The following DHX33 variants were observed in gnomAD, a reference collection of about 807,000 sequenced individuals.
DHX33 encodes ATP-dependent RNA helicase DHX33.
In DHX33, 42 loss-of-function variants were observed where a neutral mutation model predicts 72.5. That is an observed-to-expected ratio of 0.58 (90% confidence interval 0.45 to 0.75). The LOEUF (loss-of-function observed/expected upper bound fraction) is 0.75, where lower values mean the gene tolerates loss of function less well. Among genes scored for constraint, DHX33 ranks in the 30% least tolerant of loss-of-function variants. The pLI is 0.00. For missense variants in DHX33, 842 were observed against 917.5 expected, an observed-to-expected ratio of 0.92 and a Z score of 1.06; for synonymous variants, 358 against 366.1, an observed-to-expected ratio of 0.98 and a Z score of 0.25.
chr17:5,455,161 A>C lies in DHX33; in HGVS notation c.1146T>G (p.Pro382=). Residue 382 remains proline, a splice_region_variant and synonymous_variant, in exon 6 of 12, where the codon CCT becomes CCG. Transcript: ENST00000225296. ...TGMVKAKKYN[P]DSGLEVLAVQ... ...CATTCATGAACTACAAATTCTCACC[A>C]GGGTTATACTTCTTTGCTTTAACCA... 6.2e-7 allele frequency: 1 copy of C among 1,612,138 alleles called. No individual in the cohort carries two copies. Among genetic ancestry groups the C allele is most frequent in the Non-Finnish European group, 8.5e-7 (1 of 1,178,208 alleles).
chr17:5,459,936 C>G (rs149216173), intron 4 of DHX33, among the ~76,000 whole-genome samples: 3,393 of 146,122 alleles, frequency 0.023, 52 homozygotes, highest in Non-Finnish European at 0.03. Flanking sequence ...TGTGAGCCAC[C>G]ATGCCTGGCC....
At chr17:5,456,892 G>A (rs760763534) in intron 4 of DHX33, among the ~76,000 whole-genome samples, 3 of 152,132 alleles carry the variant, frequency 2.0e-5, no homozygotes, top group Non-Finnish European at 4.4e-5. Flanking sequence ...GCTTTCACAC[G>A]CCCCAAAACA....
At chr17:5,457,365 G>GT (rs1241713663) in intron 4 of DHX33, among the ~76,000 whole-genome samples, 2 of 151,740 alleles carry the variant, frequency 1.3e-5, no homozygotes, top group Non-Finnish European at 2.9e-5. Context: ...GCTCATGCCT[G>GT]TAACCCCAGC....
In DHX33 at chr17:5,450,210, C is replaced by G; in HGVS notation, c.1721G>C (p.Gly574Ala). 6.2e-7 allele frequency: 1 copy of G among 1,614,182 alleles called. No individual in the cohort carries two copies. The highest frequency in any genetic ancestry group is 8.5e-7 in the Non-Finnish European group (1 of 1,180,034). The change falls in exon 10 of 12, where the codon GGA (glycine) becomes GCA (alanine). Residue 574 changes from glycine to alanine, a missense_variant. Gly to Ala is a moderately conservative substitution (Grantham distance 60, BLOSUM62 0). Transcript: ENST00000225296. Reference protein sequence around the residue: ...NIYRTFKNLGGNKDWCKENFV... With the variant: ...NIYRTFKNLGANKDWCKENFV... ...GTGCAAGACAAGGCTCACCTTATTT[C>G]CGCCTAGGTTTTTGAAGGTCCGATA...
intron 3 of DHX33, among the ~76,000 whole-genome samples, chr17:5,461,936 CTTTTTTTTTTT>C (rs35332211): frequency 8.8e-6 from 1 of 113,698 alleles, no homozygotes; most frequent in Admixed American, 9.1e-5. Context: ...TGAACTTTCA[CTTTTTTTTTTT>C]TTTTTTTTTT....
intron 1 of DHX33, 80 bp downstream of exon 1, chr17:5,468,491 T>C (rs1180785552): frequency 8.0e-6 from 12 of 1,499,860 alleles, no homozygotes; most frequent in African/African-American, 2.8e-5. Flanking sequence ...ACGAAAGGGA[T>C]TGAGAGGCAT....
At position 5,450,493 on chromosome 17, in the gene DHX33, C is replaced by A. The variant is rs1916855137; in HGVS notation, c.1525-87G>T. On this transcript the variant is annotated intron_variant, in intron 9 of 11. Coordinates refer to ENST00000225296, the MANE Select transcript of DHX33 (RefSeq NM_020162.4). Reference sequence around the variant, plus strand: ...TTCTGTACATTGCTTTTGCAGTTTCCCTTCTAAGGAGTTAAAGGGCAGGTA... The same window carrying A: ...TTCTGTACATTGCTTTTGCAGTTTCACTTCTAAGGAGTTAAAGGGCAGGTA... 2.1e-6 allele frequency: 3 copies of A among 1,421,384 alleles called. No individual in the cohort carries two copies. The Admixed American group carries it at 5.5e-5, about 26-fold the overall frequency. The allele number at this position is 1,421,384 out of a possible 1,614,324, so 88.0% of individuals were successfully genotyped here.
At chr17:5,459,345 T>C (rs1470890056) in intron 4 of DHX33, among the ~76,000 whole-genome samples, 4 of 152,116 alleles carry the variant, frequency 2.6e-5, no homozygotes, top group African/African-American at 9.7e-5. Flanking sequence ...AGTAAATGTT[T>C]AATAAAATGA....
At position 5,468,728 on chromosome 17, in the gene DHX33, T is replaced by G. The variant is rs1193014556; in HGVS notation, c.132A>C (p.Gly44=). The change falls in exon 1 of 12, where the codon GGA becomes GGC. Residue 44 remains glycine (G), a synonymous_variant. Coordinates refer to ENST00000225296, the MANE Select transcript of DHX33 (RefSeq NM_020162.4). The part of the protein sequence containing the change: ...MLLTAGSGGR[G]GGGGRRQQPP... ...GCTGCTGCCTCCGGCCTCCTCCTCC[T>G]CCTCTGCCGCCGCTGCCCGCAGTCA... 5 of 1,610,730 alleles carry G rather than the reference T, an allele frequency of 3.1e-6. No individual in the cohort carries two copies. Among genetic ancestry groups the G allele is most frequent in the East Asian group, 2.2e-5 (1 of 44,826 alleles).
At chr17:5,467,306 C>T (rs1287491027) in intron 1 of DHX33, among the ~76,000 whole-genome samples, 1 of 152,182 alleles carries the variant, frequency 6.6e-6, no homozygotes, top group Non-Finnish European at 1.5e-5. Flanking sequence ...CATCTACAGA[C>T]GGCATTGCTC....
intron 2 of DHX33, among the ~76,000 whole-genome samples, chr17:5,462,906 C>T (rs536013153): frequency 1.3e-5 from 2 of 152,016 alleles, no homozygotes; most frequent in African/African-American, 2.4e-5. Context: ...GCTGAAATCC[C>T]GTCTCTACTA....
intron 3 of DHX33, 162 bp from the exon 4 acceptor site, chr17:5,461,271 C>A: frequency 1.8e-6 from 1 of 566,178 alleles, no homozygotes; most frequent in Non-Finnish European, 2.9e-6. Flanking sequence ...AAACACCCTG[C>A]TAGAGCACAC....
rs1332328597 is a variant in DHX33 at position 5,454,089 on chromosome 17, G to GA, written c.1148-110dup. The GA allele has an allele frequency of 1.3e-5, 18 of 1,336,918 alleles. No individual in the cohort carries two copies. The East Asian group carries it at 2.2e-4, about 16-fold the overall frequency. The allele number at this position is 1,336,918 out of a possible 1,614,324, so 82.8% of individuals were successfully genotyped here. On this transcript the variant is annotated intron_variant, in intron 6 of 11. Transcript: ENST00000225296. ...GTTCTTTCAGCAACACGGGGGTCCA[G>GA]AAAGCCTCAAGGCTAGCACAATGGA...
chr17:5,452,775 T>C (rs771622767), intron 8 of DHX33, among the ~76,000 whole-genome samples: 6 of 152,212 alleles, frequency 3.9e-5, no homozygotes, highest in Non-Finnish European at 8.8e-5. Flanking sequence ...TACTCATATA[T>C]GCATACATTT....
chr17:5,449,035 C>T (rs1285525618), intron 10 of DHX33, 140 bp from the exon 11 acceptor site: 2 of 514,966 alleles, frequency 3.9e-6, no homozygotes, highest in Non-Finnish European at 6.8e-6. Context: ...CCCACCTCAG[C>T]CTCCCAGATA....
At position 5,450,231 on chromosome 17, in the gene DHX33, C is replaced by G. The variant is rs142039700; in HGVS notation, c.1700G>C (p.Arg567Pro). 6.2e-7 allele frequency: 1 copy of G among 1,614,136 alleles called. No homozygotes were observed. The highest frequency in any genetic ancestry group is 8.5e-7 in the Non-Finnish European group (1 of 1,180,020). ...GDHMTLLNIY[R>P]TFKNLGGNKD... ...ATTTCCGCCTAGGTTTTTGAAGGTC[C>G]GATAGATATTGAGCAGGGTCATGTG... Residue 567 changes from arginine (R) to proline (P), a missense_variant, in exon 10 of 12, where the codon CGG (arginine) becomes CCG (proline). Physicochemically the swap from Arg to Pro is moderately radical, Grantham distance 103. Transcript: ENST00000225296.
chr17:5,449,467 C>T lies in DHX33; in HGVS notation c.1729-572G>A, dbSNP rs77808469. 9.1e-3 allele frequency among the ~76,000 whole-genome samples: 1,386 copies of T among 152,180 alleles called. 21 individuals carry two copies. The highest frequency in any genetic ancestry group is 0.032 in the African/African-American group (1,321 of 41,518). On this transcript the variant is annotated intron_variant, in intron 10 of 11. Coordinates refer to ENST00000225296, the MANE Select transcript of DHX33 (RefSeq NM_020162.4). ...CTTTTTTTGGAGATAGATAGAGTCTCGCTCTGTCACCTAGGCTGGAGTGCA... is the reference window on the plus strand; with the variant it reads ...CTTTTTTTGGAGATAGATAGAGTCTTGCTCTGTCACCTAGGCTGGAGTGCA...
chr17:5,451,630 C>T (rs1916918216), intron 8 of DHX33, among the ~76,000 whole-genome samples: 1 of 152,086 alleles, frequency 6.6e-6, no homozygotes, highest in African/African-American at 2.4e-5. Context: ...ATGAGAAGGA[C>T]ATTATTACTA....
rs1904985431 is a variant in DHX33, at chr17:5,468,591, A to C, written c.269T>G (p.Leu90Arg). The C allele has an allele frequency of 6.2e-7, 1 of 1,608,802 alleles. No homozygotes were observed. Among genetic ancestry groups the C allele is most frequent in the Admixed American group, 1.7e-5 (1 of 59,564 alleles). ...RGQLLAQLRNLDNAVLIGETG... is the reference protein window; with the variant it reads ...RGQLLAQLRNRDNAVLIGETG... ...CTCACCGATGAGGACCGCGTTGTCCAGGTTTCGGAGCTGGGCCAACAGTTG... is the reference window on the plus strand; with the variant it reads ...CTCACCGATGAGGACCGCGTTGTCCCGGTTTCGGAGCTGGGCCAACAGTTG... The change falls in exon 1 of 12, where the codon CTG (leucine) becomes CGG (arginine). Residue 90 changes from leucine to arginine, a missense_variant. Physicochemically the swap from Leu to Arg is moderately radical, Grantham distance 102. Transcript: ENST00000225296.
Sources: allele counts gnomAD v4.1 joint callset (sites outside exome capture counted in the v4.1 genomes callset), GRCh38; gene constraint gnomAD v4.1.1; transcripts MANE v1.5; gene names NCBI Gene and HGNC (gene_info 2026-07-23, HGNC 2026-07-21).